Variants in C9 observed in about 807,000 individuals in gnomAD.
C9 encodes complement component C9.
In C9, 63 loss-of-function variants were observed where a neutral mutation model predicts 65.4. The ratio of observed to expected loss-of-function variants is 0.96; its 90% CI spans 0.79 to 1.19. C9 has a LOEUF of 1.19. C9 is among the 50% of genes most tolerant of loss of function. The pLI is 0.00. For synonymous variants in C9, 229 were observed against 227.9 expected, an observed-to-expected ratio of 1.00 and a Z score of -0.04; for missense variants, 744 against 670.1, an observed-to-expected ratio of 1.11 and a Z score of -1.22.
At chr5:39,323,967 A>T (rs1286161518) in intron 5 of C9, among the ~76,000 whole-genome samples, 2 of 152,214 alleles carry the variant, frequency 1.3e-5, no homozygotes, top group Admixed American at 1.3e-4. Flanking sequence ...AATTCAGTAA[A>T]GTTGCAGGAT....
chr5:39,329,100 A>G (rs1337479548), intron 5 of C9, among the ~76,000 whole-genome samples: 1 of 152,186 alleles, frequency 6.6e-6, no homozygotes, highest in Non-Finnish European at 1.5e-5. Context: ...TTATTCAACA[A>G]CAAAAGTGAA....
intron 9 of C9, among the ~76,000 whole-genome samples, chr5:39,293,516 C>G (rs1280289380): frequency 6.6e-6 from 1 of 151,788 alleles, no homozygotes; most frequent in East Asian, 1.9e-4. Context: ...GAAAATATAA[C>G]AATTTTAAAT....
At chr5:39,333,482 G>A (rs1214804806) in intron 4 of C9, among the ~76,000 whole-genome samples, 1 of 152,050 alleles carries the variant, frequency 6.6e-6, no homozygotes, top group Non-Finnish European at 1.5e-5. Flanking sequence ...GTGAAAAGCA[G>A]AACCACCCAG....
At chr5:39,311,101 C>T in intron 7 of C9, 36 bp downstream of exon 7, 1 of 1,608,592 alleles carries the variant, frequency 6.2e-7, no homozygotes, top group Non-Finnish European at 8.5e-7. Context: ...TTGGTCAAAA[C>T]AGTATTTGAA....
At chr5:39,307,127 T>C (rs955526810) in intron 8 of C9, among the ~76,000 whole-genome samples, 3 of 152,208 alleles carry the variant, frequency 2.0e-5, no homozygotes, top group Non-Finnish European at 4.4e-5. Flanking sequence ...ATATATTTTC[T>C]TTTGCAAACT....
chr5:39,325,091 T>G (rs1003645583), intron 5 of C9, among the ~76,000 whole-genome samples: 1 of 152,110 alleles, frequency 6.6e-6, no homozygotes, highest in African/African-American at 2.4e-5. Flanking sequence ...AAATAGAGAG[T>G]AAGTAGAGAA....
At chr5:39,344,906 A>T (rs1413431354) in intron 1 of C9, among the ~76,000 whole-genome samples, 1 of 152,208 alleles carries the variant, frequency 6.6e-6, no homozygotes, top group Non-Finnish European at 1.5e-5. Context: ...CCAGAATTTC[A>T]TATCCAGCCA....
chr5:39,338,297 G>A (rs549584084), intron 4 of C9, among the ~76,000 whole-genome samples: 1 of 152,134 alleles, frequency 6.6e-6, no homozygotes. Context: ...TGAGGGAACC[G>A]CTGTGGGTGT....
chr5:39,361,993 A>T (rs912390816), intron 1 of C9, among the ~76,000 whole-genome samples: 3 of 152,108 alleles, frequency 2.0e-5, no homozygotes, highest in African/African-American at 7.2e-5. Context: ...TATTTTTTTT[A>T]AATACCTGGC....
intron 1 of C9, among the ~76,000 whole-genome samples, chr5:39,358,315 T>C (rs1754445521): frequency 6.6e-6 from 1 of 152,166 alleles, no homozygotes; most frequent in African/African-American, 2.4e-5. Flanking sequence ...TGGATAAAGT[T>C]TTCCAAGCTA....
intron 9 of C9, among the ~76,000 whole-genome samples, chr5:39,289,699 C>G (rs868346885): frequency 1.3e-5 from 2 of 151,852 alleles, no homozygotes; most frequent in African/African-American, 2.4e-5. Context: ...ATTTGCAAGC[C>G]TGGCATGGAG....
intron 5 of C9, among the ~76,000 whole-genome samples, chr5:39,328,539 CAG>C (rs1427270355): frequency 6.6e-6 from 1 of 152,122 alleles, no homozygotes; most frequent in African/African-American, 2.4e-5. Flanking sequence ...CATGCCAAAT[CAG>C]AGTTTTTCTG....
chr5:39,342,464 A>G (rs1754105334), intron 1 of C9, among the ~76,000 whole-genome samples: 1 of 152,222 alleles, frequency 6.6e-6, no homozygotes, highest in Admixed American at 6.5e-5. Flanking sequence ...AATGAGGAAA[A>G]CTAGCAAAGC....
chr5:39,327,023 T>A (rs1561344536), intron 5 of C9, among the ~76,000 whole-genome samples: 1 of 152,068 alleles, frequency 6.6e-6, no homozygotes, highest in African/African-American at 2.4e-5. Context: ...AAGGGTGAGA[T>A]AGCAACCAAA....
At chr5:39,358,793 G>C (rs1256201837) in intron 1 of C9, among the ~76,000 whole-genome samples, 1 of 151,752 alleles carries the variant, frequency 6.6e-6, no homozygotes, top group East Asian at 1.9e-4. Context: ...AGACCACCCT[G>C]GCTAAAACGG....
In C9 at chr5:39,311,326, T is replaced by C. The variant is rs770725942; in HGVS notation, c.922A>G (p.Met308Val). The C allele has an allele frequency of 1.9e-6, 3 of 1,612,796 alleles. No homozygotes were observed. Among genetic ancestry groups the C allele is most frequent in the Non-Finnish European group, 2.5e-6 (3 of 1,179,030 alleles). Residue 308 changes from methionine (M) to valine (V), a missense_variant, in exon 7 of 11, where the codon ATG becomes GTG. By Grantham distance (21) the Met-to-Val change is conservative. Coordinates refer to ENST00000263408, the MANE Select transcript of C9 (RefSeq NM_001737.5). ...GTGAGCACAACATCGCGATTTCTCA[T>C]TACAAATCTTCCCAGATGAATTTCT... Reference protein sequence around the residue: ...KGEIHLGRFVMRNRDVVLTTT... With the variant: ...KGEIHLGRFVVRNRDVVLTTT...
chr5:39,331,955 C>G, intron 4 of C9, 141 bp from the exon 5 acceptor site: 2 of 794,740 alleles, frequency 2.5e-6, no homozygotes, highest in Non-Finnish European at 4.4e-6. Context: ...GGAACAGAAG[C>G]AAGAGCCTGT....
chr5:39,346,073 G>A (rs1754188018), intron 1 of C9, among the ~76,000 whole-genome samples: 1 of 152,156 alleles, frequency 6.6e-6, no homozygotes, highest in African/African-American at 2.4e-5. Flanking sequence ...AAGCAGGAAA[G>A]ATCTAAAATT....
At chr5:39,290,001 C>T (rs1753059988) in intron 9 of C9, among the ~76,000 whole-genome samples, 1 of 151,846 alleles carries the variant, frequency 6.6e-6, no homozygotes, top group South Asian at 2.1e-4. Context: ...CAAATTCCTG[C>T]AGTAAGATAC....
Sources: allele counts gnomAD v4.1 joint callset (sites outside exome capture counted in the v4.1 genomes callset), GRCh38; gene constraint gnomAD v4.1.1; transcripts MANE v1.5; gene names NCBI Gene and HGNC (gene_info 2026-07-23, HGNC 2026-07-21).